The following PIGR variants were observed in gnomAD, a reference collection of about 807,000 sequenced individuals.
PIGR encodes the protein hepatocellular carcinoma associated protein TB6.
Under a neutral mutation model 69.5 loss-of-function variants are expected in PIGR, and 22 were observed. That is an observed-to-expected ratio of 0.32 (90% CI 0.23 to 0.45). The LOEUF is 0.45. PIGR is among the 20% of genes least tolerant of loss of function. The pLI, the probability that PIGR is intolerant of heterozygous loss-of-function variation, is 1.00. For synonymous variants in PIGR, 413 were observed against 407.6 expected (o/e 1.01, Z -0.16); for missense variants, 885 against 974.0 (o/e 0.91, Z 1.22).
chr1:206,932,641 G>T lies in PIGR; in HGVS notation c.1887-64C>A, dbSNP rs1036743311. On this transcript the variant is annotated intron_variant, in intron 7 of 10. Transcript: ENST00000356495. Reference sequence around the variant, plus strand: ...GATCTGGGGGCCCGACGATGTGCTGGCAAGGTTGGCTTAGTCCTTTTTCCT... The same window carrying T: ...GATCTGGGGGCCCGACGATGTGCTGTCAAGGTTGGCTTAGTCCTTTTTCCT... The T allele has an allele frequency of 2.0e-6, 3 of 1,530,910 alleles. No individual in the cohort carries two copies. In the African/African-American group the frequency reaches 4.1e-5, roughly 21 times the overall value. 94.8% of individuals were successfully genotyped at this position (1,530,910 alleles called of 1,614,324 possible).
intron 10 of PIGR, chr1:206,931,126 G>C: frequency 1.0e-6 from 1 of 985,438 alleles, no homozygotes. Flanking sequence ...CTCAAGGGAG[G>C]ATGTGTGGCC....
At position 206,944,353 on chromosome 1, in the gene PIGR, A is replaced by C. The variant is rs866142247; in HGVS notation, c.-54+1983T>G. Among the ~76,000 whole-genome samples, 16 of 152,106 alleles carry C rather than the reference A, an allele frequency of 1.1e-4. No individual in the cohort carries two copies. In the South Asian group the frequency reaches 2.1e-3, roughly 20 times the overall value. Reference sequence around the variant, plus strand: ...CTGGGTGTGGTGGCATGGGTCTGTAATCCCAGCTACTCAGGAGGCTGAGGT... The same window carrying C: ...CTGGGTGTGGTGGCATGGGTCTGTACTCCCAGCTACTCAGGAGGCTGAGGT... On this transcript the variant is annotated intron_variant, in intron 1 of 10. Transcript: ENST00000356495.
rs192143975 is a variant in PIGR, at chr1:206,941,338, T to G, written c.-53-754A>C. ...TTGTCTGACTGCAAAGTCCATGTGC[T>G]TAACCTCTCCACTACTGTATCGCAC... On this transcript the variant is annotated intron_variant, in intron 1 of 10. Coordinates refer to ENST00000356495, the MANE Select transcript of PIGR (RefSeq NM_002644.4). 3.3e-5 allele frequency among the ~76,000 whole-genome samples: 5 copies of G among 152,320 alleles called. No homozygotes were observed. The East Asian group carries it at 9.6e-4, about 29-fold the overall frequency.
At chr1:206,945,084 G>T (rs566734352) in intron 1 of PIGR, among the ~76,000 whole-genome samples, 1 of 152,296 alleles carries the variant, frequency 6.6e-6, no homozygotes, top group South Asian at 2.1e-4. Flanking sequence ...AGAGAGAGTT[G>T]CTTTCCTGAC....
In PIGR at chr1:206,935,078, G is replaced by T. The variant is rs1167583998; in HGVS notation, c.1379-332C>A. Among the ~76,000 whole-genome samples the T allele has an allele frequency of 6.6e-6, 1 of 152,158 alleles. No homozygotes were observed. The highest frequency in any genetic ancestry group is 2.4e-5 in the African/African-American group (1 of 41,434). Reference sequence around the variant, plus strand: ...TAAGTATGTTATTCTGACTACAGAAGAAATGTAATTGTGTGCCTAGGTAAT... The same window carrying T: ...TAAGTATGTTATTCTGACTACAGAATAAATGTAATTGTGTGCCTAGGTAAT... On this transcript the variant is annotated intron_variant, in intron 5 of 10. Coordinates refer to ENST00000356495, the MANE Select transcript of PIGR (RefSeq NM_002644.4). This position sits in a 1 kb window ranked among gnomAD's most constrained non-coding sequence, Gnocchi z 4.4.
chr1:206,943,808 G>C (rs1317686402), intron 1 of PIGR, among the ~76,000 whole-genome samples: 2 of 152,194 alleles, frequency 1.3e-5, no homozygotes, highest in Admixed American at 1.3e-4. Flanking sequence ...GGATAAGAGA[G>C]GAGACAAGCA....
Position 206,933,085 on chromosome 1 carries a change from T to C in PIGR, c.1787A>G (p.Asn596Ser). 6.2e-7 allele frequency: 1 copy of C among 1,614,206 alleles called. No homozygotes were observed. Among genetic ancestry groups the C allele is most frequent in the Non-Finnish European group, 8.5e-7 (1 of 1,180,020 alleles). Residue 596 changes from asparagine to serine, a missense_variant, in exon 7 of 11, where the codon AAC (asparagine) becomes AGC (serine). Transcript: ENST00000356495. The part of the protein sequence containing the change: ...VLDSGFREIE[N>S]KAIQDPRLFA... Reference sequence around the variant, plus strand: ...AAGCCTGGGATCCTGAATGGCTTTGTTCTCAATCTCCCGAAAACCAGAGTC... The same window carrying C: ...AAGCCTGGGATCCTGAATGGCTTTGCTCTCAATCTCCCGAAAACCAGAGTC...
Position 206,940,576 on chromosome 1 carries a change from T to C in PIGR, c.-45A>G, listed in dbSNP as rs1489927857. On this transcript the variant is annotated 5_prime_UTR_variant, in exon 2 of 11. Transcript: ENST00000356495. ...CCGCACCACTCAGGCCGACTTCTCCTGTGCAATGCTGAAAAACAATAATCA... is the reference window on the plus strand; with the variant it reads ...CCGCACCACTCAGGCCGACTTCTCCCGTGCAATGCTGAAAAACAATAATCA... The C allele has an allele frequency of 1.3e-6, 2 of 1,520,170 alleles. No homozygotes were observed. Among genetic ancestry groups the C allele is most frequent in the African/African-American group, 2.8e-5 (2 of 72,040 alleles). 94.2% of individuals were successfully genotyped at this position (1,520,170 alleles called of 1,614,324 possible). A position where few individuals can be genotyped will look rare whatever the true frequency, so the allele number is the denominator to read the frequency against.
chr1:206,943,871 T>C (rs1055244618), intron 1 of PIGR, among the ~76,000 whole-genome samples: 1 of 152,154 alleles, frequency 6.6e-6, no homozygotes, highest in Admixed American at 6.5e-5. Flanking sequence ...GTGCTTTACA[T>C]GTGTTAATGT....
Position 206,930,910 on chromosome 1 carries a change from C to T in PIGR, c.2200-497G>A. On this transcript the variant is annotated intron_variant, in intron 10 of 10. Transcript: ENST00000356495. The surrounding 1 kb of genome is among the most constrained non-coding windows in gnomAD (Gnocchi z 4.3). ...AACAACAACAACAACAACAAAAACT[C>T]TCACCTCGGGATTAAAGGCATGAGA... 3 of 985,430 alleles carry T rather than the reference C, an allele frequency of 3.0e-6. No individual in the cohort carries two copies. Among genetic ancestry groups the T allele is most frequent in the Non-Finnish European group, 3.6e-6 (3 of 829,934 alleles). 61.0% of individuals were successfully genotyped at this position (985,430 alleles called of 1,614,324 possible). A position where few individuals can be genotyped will look rare whatever the true frequency, so the allele number is the denominator to read the frequency against.
rs772936781 is a variant in PIGR, at chr1:206,931,727, T to C, written c.2084A>G (p.Asn695Ser). 7.4e-6 allele frequency: 12 copies of C among 1,614,178 alleles called. No homozygotes were observed. The highest frequency in any genetic ancestry group is 1.6e-4 in the Middle Eastern group (1 of 6,062). The change falls in exon 9 of 11, where the codon AAT becomes AGT. Residue 695 changes from asparagine (N) to serine (S), a missense_variant. Asn to Ser is a conservative substitution (Grantham distance 46). Coordinates refer to ENST00000356495, the MANE Select transcript of PIGR (RefSeq NM_002644.4). ...GATCGAAGAGGCTCCCATGTTGTCA[T>C]TGGCTCCAAATTCCCTGGAGTTCTC... ...DFENSREFGA[N>S]DNMGASSITQ... is the part of the protein sequence containing the mutation.
At position 206,935,766 on chromosome 1, in the gene PIGR, A is replaced by G; in HGVS notation, c.1098T>C (p.Ser366=). The change falls in exon 5 of 11, where the codon TCT becomes TCC. Residue 366 remains serine (S), a synonymous_variant. Transcript: ENST00000356495. This position sits in a 1 kb window ranked among gnomAD's most constrained non-coding sequence, Gnocchi z 4.4. The stretch of plus-strand genomic sequence containing the variant: ...GGTTGTAGGGGCAGAGCACGGCCAC[A>G]GAGCCTCCTGCCACCCCCTTCACCA... ...PTVVKGVAGG[S]VAVLCPYNRK... 6.2e-7 allele frequency: 1 copy of G among 1,613,394 alleles called. No homozygotes were observed.
intron 1 of PIGR, among the ~76,000 whole-genome samples, chr1:206,945,400 G>T (rs1380949577): frequency 1.3e-5 from 2 of 152,200 alleles, no homozygotes; most frequent in African/African-American, 4.8e-5. Context: ...GTGCCGGACG[G>T]TCCCACTGCT....
In PIGR at chr1:206,930,666, C is replaced by G; in HGVS notation, c.2200-253G>C. On this transcript the variant is annotated intron_variant, in intron 10 of 10. Transcript: ENST00000356495. This position sits in a 1 kb window ranked among gnomAD's most constrained non-coding sequence, Gnocchi z 4.3. ...TCTGACACACGGAGTGGAACCGCCT[C>G]TGTTGCCCGGGCCTGTCCCCGGAAG... 1 of 985,404 alleles carries G rather than the reference C, an allele frequency of 1.0e-6. No homozygotes were observed. The highest frequency in any genetic ancestry group is 6.1e-5 in the Admixed American group (1 of 16,286). The allele number at this position is 985,404 out of a possible 1,614,324, so 61.0% of individuals were successfully genotyped here.
At chr1:206,939,505 G>A in intron 2 of PIGR, 42 bp from the exon 3 acceptor site, 1 of 1,425,968 alleles carries the variant, frequency 7.0e-7, no homozygotes, top group Non-Finnish European at 9.7e-7. Context: ...GCCCTTGGGA[G>A]GTAAAGCCTG....
Position 206,935,329 on chromosome 1 carries a change from G to A in PIGR, c.1378+157C>T, listed in dbSNP as rs1270776014. On this transcript the variant is annotated intron_variant, in intron 5 of 10. Transcript: ENST00000356495. This position sits in a 1 kb window ranked among gnomAD's most constrained non-coding sequence, Gnocchi z 4.4. Reference sequence around the variant, plus strand: ...TGGTAATTCAGAGTGTAAGGTGCGTGTTATAGGCATGAAAATGTGACCTCT... The same window carrying A: ...TGGTAATTCAGAGTGTAAGGTGCGTATTATAGGCATGAAAATGTGACCTCT... Among the ~76,000 whole-genome samples the A allele has an allele frequency of 3.3e-5, 5 of 152,210 alleles. No homozygotes were observed. The highest frequency in any genetic ancestry group is 1.2e-4 in the African/African-American group (5 of 41,450).
In PIGR at chr1:206,939,480, G is replaced by A; in HGVS notation, c.44-17C>T. ...TGGAGATGGCTGTGGGAACAGAAGA[G>A]AGAGGCTTTCTGAGGCCCTTGGGAG... On this transcript the variant is annotated splice_polypyrimidine_tract_variant and intron_variant, in intron 2 of 10. Transcript: ENST00000356495. The A allele has an allele frequency of 6.4e-7, 1 of 1,563,766 alleles. No individual in the cohort carries two copies. The highest frequency in any genetic ancestry group is 8.7e-7 in the Non-Finnish European group (1 of 1,144,936).
chr1:206,943,785 G>A (rs1680045285), intron 1 of PIGR, among the ~76,000 whole-genome samples: 1 of 152,204 alleles, frequency 6.6e-6, no homozygotes, highest in African/African-American at 2.4e-5. Flanking sequence ...AGCTACTTAG[G>A]TTGGACTCAT....
At chr1:206,939,854 G>A (rs570222526) in intron 2 of PIGR, among the ~76,000 whole-genome samples, 2 of 152,252 alleles carry the variant, frequency 1.3e-5, no homozygotes, top group South Asian at 2.1e-4. Flanking sequence ...AGCCTCCCAA[G>A]TAGTTGGGAC....
Sources: allele counts gnomAD v4.1 joint callset (sites outside exome capture counted in the v4.1 genomes callset), GRCh38; gene constraint gnomAD v4.1.1; non-coding constraint Gnocchi (gnomAD v3.1); transcripts MANE v1.5; gene names NCBI Gene and HGNC (gene_info 2026-07-23, HGNC 2026-07-21).